Variants in PCDH17 observed in about 807,000 individuals in gnomAD.
The protein encoded by PCDH17 is protocadherin-17.
In PCDH17, 21 loss-of-function variants were observed where a neutral mutation model predicts 67.7. That is an observed-to-expected ratio of 0.31 (90% CI 0.22 to 0.45). The LOEUF (loss-of-function observed/expected upper bound fraction) is 0.45. Among genes scored for constraint, PCDH17 ranks in the 20% least tolerant of loss-of-function variants. The probability of loss-of-function intolerance (pLI) is 1.00; values close to 1 mark genes in which losing one functional copy is unlikely to be tolerated. For synonymous variants in PCDH17, 701 were observed against 656.7 expected, an observed-to-expected ratio of 1.07 and a Z score of -1.03; for missense variants, 1,471 against 1,564.8, an observed-to-expected ratio of 0.94 and a Z score of 1.01.
In PCDH17 at chr13:57,724,717, A is replaced by G. The variant is rs749723689; in HGVS notation, c.2903A>G (p.Asp968Gly). The change falls in exon 4 of 4, where the codon GAT becomes GGT. Residue 968 changes from aspartate to glycine, a missense_variant. Asp to Gly is a moderately conservative substitution (Grantham distance 94). Coordinates refer to ENST00000377918, the MANE Select transcript of PCDH17 (RefSeq NM_001040429.3). ...FPAANQAENA[D>G]YRTNLFVPTV... ...GCAGCCAATCAGGCTGAAAATGCAG[A>G]TTACCGCACAAATCTCTTTGTACCT... is the stretch of plus-strand genomic sequence containing the variant. 6.8e-6 allele frequency: 11 copies of G among 1,614,124 alleles called. No homozygotes were observed. Among genetic ancestry groups the G allele is most frequent in the Non-Finnish European group, 8.5e-6 (10 of 1,179,980 alleles).
In PCDH17 at chr13:57,633,908, C is replaced by T. The variant is rs761103875; in HGVS notation, c.1362C>T (p.Ser454=). The change falls in exon 1 of 4, where the codon TCC becomes TCT. Residue 454 remains serine (S), a synonymous_variant. Transcript: ENST00000377918. The surrounding 1 kb of genome is among the most constrained non-coding windows in gnomAD (Gnocchi z 6.2). ...ACGGGGGCTCTCCTCCCCTCAACTCCACCAAGTCGTTCGCGATCAAGATTC... is the reference window on the plus strand; with the variant it reads ...ACGGGGGCTCTCCTCCCCTCAACTCTACCAAGTCGTTCGCGATCAAGATTC... The part of the protein sequence containing the change: ...ARDGGSPPLN[S]TKSFAIKILD... The T allele has an allele frequency of 1.3e-5, 21 of 1,613,208 alleles. No individual in the cohort carries two copies. The African/African-American group carries it at 2.8e-4, about 22-fold the overall frequency.
At chr13:57,685,093 G>T (rs1332834535) in intron 3 of PCDH17, among the ~76,000 whole-genome samples, 1 of 151,946 alleles carries the variant, frequency 6.6e-6, no homozygotes, top group Non-Finnish European at 1.5e-5. Context: ...TGAGTCAATA[G>T]TGTGTTGCCA....
chr13:57,712,502 T>G (rs993370453), intron 3 of PCDH17, among the ~76,000 whole-genome samples: 7 of 151,740 alleles, frequency 4.6e-5, no homozygotes, highest in African/African-American at 7.2e-5. Context: ...TTAAATTTAT[T>G]TTTTTAATAA....
intron 1 of PCDH17, among the ~76,000 whole-genome samples, chr13:57,652,766 G>A (rs148147224): frequency 2.0e-3 from 308 of 152,236 alleles, no homozygotes; most frequent in African/African-American, 7.1e-3. Context: ...CAGAACTAAT[G>A]TCATCTGGTT....
Position 57,717,606 on chromosome 13 carries a change from T to G in PCDH17, c.2798-7006T>G, listed in dbSNP as rs564443057. ...ACTTGCTTATGATATAGGACAGTGA[T>G]TTCTGGTGTCTGAATGCAGCCGTGG... On this transcript the variant is annotated intron_variant, in intron 3 of 3. Transcript: ENST00000377918. Among the ~76,000 whole-genome samples the G allele has an allele frequency of 3.3e-5, 5 of 152,082 alleles. No homozygotes were observed. The South Asian group carries it at 6.2e-4, about 19-fold the overall frequency.
At chr13:57,712,646 A>G (rs1955786680) in intron 3 of PCDH17, among the ~76,000 whole-genome samples, 2 of 151,626 alleles carry the variant, frequency 1.3e-5, no homozygotes, top group Admixed American at 6.6e-5. Flanking sequence ...TACCTTTGGT[A>G]GCAACAAAAA....
chr13:57,638,422 C>A lies in PCDH17; in HGVS notation c.2565+3311C>A, dbSNP rs182026341. Among the ~76,000 whole-genome samples the A allele has an allele frequency of 3.8e-3, 578 of 152,128 alleles. 3 individuals are homozygous for A. Among genetic ancestry groups the A allele is most frequent in the Non-Finnish European group, 6.0e-3 (407 of 67,918 alleles). ...GGGACTTCTCACTGATGGGAGACTT[C>A]CCAGTTTTGTTTGAACATCTGTGTT... On this transcript the variant is annotated intron_variant, in intron 1 of 3. Coordinates refer to ENST00000377918, the MANE Select transcript of PCDH17 (RefSeq NM_001040429.3).
chr13:57,655,527 CATATT>C (rs1341084845), intron 1 of PCDH17, among the ~76,000 whole-genome samples: 2 of 151,808 alleles, frequency 1.3e-5, no homozygotes, highest in Non-Finnish European at 2.9e-5. Flanking sequence ...AAAAAAGTAA[CATATT>C]AAATTTCTTT....
chr13:57,696,159 A>G (rs903818330), intron 3 of PCDH17, among the ~76,000 whole-genome samples: 2 of 151,484 alleles, frequency 1.3e-5, no homozygotes, highest in African/African-American at 4.8e-5. Context: ...ATTGATATTT[A>G]TATTTAACTT....
intron 3 of PCDH17, among the ~76,000 whole-genome samples, chr13:57,692,153 T>C (rs916055491): frequency 1.3e-5 from 2 of 151,252 alleles, no homozygotes; most frequent in East Asian, 1.9e-4. Flanking sequence ...CAAACAGTGA[T>C]ATTTAGCATT....
rs533957938 is a variant in PCDH17, at chr13:57,645,839, G to A, written c.2565+10728G>A. On this transcript the variant is annotated intron_variant, in intron 1 of 3. Transcript: ENST00000377918. ...TAGAGTGATGCACTTCTGATGTTAT[G>A]TCTGTCTATTTTTTAAGGCTTTAAG... 2.0e-5 allele frequency among the ~76,000 whole-genome samples: 3 copies of A among 151,252 alleles called. No individual in the cohort carries two copies. The East Asian group carries it at 5.8e-4, about 29-fold the overall frequency.
intron 1 of PCDH17, among the ~76,000 whole-genome samples, chr13:57,661,673 A>G (rs1356186528): frequency 6.6e-6 from 1 of 152,048 alleles, no homozygotes; most frequent in African/African-American, 2.4e-5. Flanking sequence ...TGTGTGTCTA[A>G]TGTGTAAGGT....
chr13:57,635,253 C>T (rs976959245), intron 1 of PCDH17, 142 bp downstream of exon 1: 7 of 769,024 alleles, frequency 9.1e-6, no homozygotes, highest in Admixed American at 2.8e-5. Flanking sequence ...ACACTTTTGA[C>T]ACTGTGTATA....
At chr13:57,645,935 A>C (rs1221249809) in intron 1 of PCDH17, among the ~76,000 whole-genome samples, 1 of 151,328 alleles carries the variant, frequency 6.6e-6, no homozygotes, top group African/African-American at 2.4e-5. Flanking sequence ...TTAATTTTTA[A>C]CCTGGTTTTA....
intron 3 of PCDH17, among the ~76,000 whole-genome samples, chr13:57,685,877 G>GT (rs1955501353): frequency 6.6e-6 from 1 of 151,908 alleles, no homozygotes; most frequent in South Asian, 2.1e-4. Flanking sequence ...CCTGAAGGCA[G>GT]GAGTTCAAGA....
chr13:57,711,960 T>C (rs1230132578), intron 3 of PCDH17, among the ~76,000 whole-genome samples: 1 of 151,544 alleles, frequency 6.6e-6, no homozygotes, highest in East Asian at 1.9e-4. Flanking sequence ...TATGTGCAGA[T>C]ATATTTATTT....
intron 3 of PCDH17, among the ~76,000 whole-genome samples, chr13:57,716,790 A>T (rs1955820448): frequency 1.3e-5 from 2 of 151,864 alleles, no homozygotes; most frequent in African/African-American, 4.8e-5. Flanking sequence ...TTTACCACAG[A>T]CCTGTATGCA....
chr13:57,645,305 T>C (rs2137990729), intron 1 of PCDH17, among the ~76,000 whole-genome samples: 1 of 151,752 alleles, frequency 6.6e-6, no homozygotes, highest in African/African-American at 2.4e-5. Flanking sequence ...GTTGAAATAA[T>C]GTAGCAGTTT....
chr13:57,703,604 TA>T (rs1955689204), intron 3 of PCDH17, among the ~76,000 whole-genome samples: 3 of 152,132 alleles, frequency 2.0e-5, no homozygotes, highest in Admixed American at 2.0e-4. Context: ...TAACTCAAAT[TA>T]ATTAGCCTGA....
Sources: allele counts gnomAD v4.1 joint callset (sites outside exome capture counted in the v4.1 genomes callset), GRCh38; gene constraint gnomAD v4.1.1; non-coding constraint Gnocchi (gnomAD v3.1); transcripts MANE v1.5; gene names NCBI Gene and HGNC (gene_info 2026-07-23, HGNC 2026-07-21).